CAMK2D: variants seen among roughly 807,000 people sequenced by gnomAD.
CAMK2D encodes the protein calcium/calmodulin dependent protein kinase II delta.
In CAMK2D, 37 loss-of-function variants were observed where a neutral mutation model predicts 84.0. The observed-to-expected ratio is 0.44, with a 90% CI of 0.34 to 0.58. The LOEUF (loss-of-function observed/expected upper bound fraction) is 0.58. Ranked by LOEUF, CAMK2D falls within the 20% of genes least tolerant of loss-of-function variation. The pLI is 0.02. For missense variants in CAMK2D, 448 were observed against 652.5 expected (o/e 0.69, Z 3.41); for synonymous variants, 202 against 212.5 (o/e 0.95, Z 0.43).
chr4:113,645,209 G>C (rs1436450286), intron 3 of CAMK2D, among the ~76,000 whole-genome samples: 1 of 152,016 alleles, frequency 6.6e-6, no homozygotes, highest in African/African-American at 2.4e-5. Flanking sequence ...GTAGAGACAG[G>C]GTTTCACCAT....
chr4:113,588,298 A>G (rs1015174041), intron 4 of CAMK2D, among the ~76,000 whole-genome samples: 4 of 152,178 alleles, frequency 2.6e-5, no homozygotes, highest in African/African-American at 9.6e-5. Context: ...AAATGTTTCT[A>G]AGAAAAAGAC....
chr4:113,681,708 A>T (rs1224165111), intron 2 of CAMK2D, among the ~76,000 whole-genome samples: 1 of 152,224 alleles, frequency 6.6e-6, no homozygotes, highest in Non-Finnish European at 1.5e-5. Context: ...ATGCTATAAA[A>T]ATAAGTGATC....
At chr4:113,532,831 GA>G (rs1190259283) in intron 7 of CAMK2D, among the ~76,000 whole-genome samples, 1 of 151,904 alleles carries the variant, frequency 6.6e-6, no homozygotes, top group African/African-American at 2.4e-5. Flanking sequence ...TGTCACCCTT[GA>G]TACTACTTTT....
chr4:113,734,742 C>T (rs2148829824), intron 2 of CAMK2D, among the ~76,000 whole-genome samples: 1 of 152,224 alleles, frequency 6.6e-6, no homozygotes, highest in East Asian at 1.9e-4. Context: ...AAACATTTTA[C>T]TGTGTTCATA....
intron 16 of CAMK2D, among the ~76,000 whole-genome samples, chr4:113,488,206 A>G (rs1049681013): frequency 1.3e-5 from 2 of 152,178 alleles, no homozygotes; most frequent in African/African-American, 4.8e-5. Context: ...TAGATACATG[A>G]ACAAAAATGA....
chr4:113,675,246 A>G (rs954169150), intron 2 of CAMK2D, among the ~76,000 whole-genome samples: 1 of 152,164 alleles, frequency 6.6e-6, no homozygotes, highest in African/African-American at 2.4e-5. Flanking sequence ...TATGATATAA[A>G]ACTACCCCAC....
At chr4:113,586,643 T>C (rs1157193172) in intron 4 of CAMK2D, among the ~76,000 whole-genome samples, 3 of 152,190 alleles carry the variant, frequency 2.0e-5, no homozygotes, top group Non-Finnish European at 4.4e-5. Flanking sequence ...ATTCTGTTAC[T>C]AAAACACCTT....
At chr4:113,510,483 T>C (rs1031699323) in intron 12 of CAMK2D, among the ~76,000 whole-genome samples, 1 of 152,164 alleles carries the variant, frequency 6.6e-6, no homozygotes, top group Non-Finnish European at 1.5e-5. Context: ...GCTTTTAACA[T>C]TCCTTCTGTT....
intron 16 of CAMK2D, among the ~76,000 whole-genome samples, chr4:113,496,483 C>G (rs1363582289): frequency 1.5e-5 from 2 of 136,406 alleles, no homozygotes; most frequent in Admixed American, 8.0e-5. Context: ...AAGTCTCACT[C>G]TGTCACCCAG....
chr4:113,624,444 C>T (rs1368239962), intron 3 of CAMK2D, among the ~76,000 whole-genome samples: 2 of 152,120 alleles, frequency 1.3e-5, no homozygotes, highest in Non-Finnish European at 2.9e-5. Flanking sequence ...ACTTACATGC[C>T]TTAATCAGTT....
chr4:113,733,904 T>C lies in CAMK2D; in HGVS notation c.160+25416A>G, dbSNP rs528495313. ...ACTAATTTTGCTCATGACTCAACCA[T>C]TGGTAAGCCAAAGGGTAGGCTAAAT... On this transcript the variant is annotated intron_variant, in intron 2 of 20. Coordinates refer to ENST00000511664, the MANE Select transcript of CAMK2D (RefSeq NM_001321571.2). Among the ~76,000 whole-genome samples the C allele has an allele frequency of 3.3e-5, 5 of 152,278 alleles. No individual in the cohort carries two copies. The South Asian group carries it at 8.3e-4, about 25-fold the overall frequency.
chr4:113,652,884 G>A (rs1561614681), intron 3 of CAMK2D, among the ~76,000 whole-genome samples: 1 of 152,014 alleles, frequency 6.6e-6, no homozygotes, highest in Non-Finnish European at 1.5e-5. Context: ...GTAACAGAAG[G>A]ACTCTTTTTC....
intron 4 of CAMK2D, among the ~76,000 whole-genome samples, chr4:113,608,123 A>G (rs970176509): frequency 6.6e-5 from 10 of 152,230 alleles, no homozygotes; most frequent in African/African-American, 2.2e-4. Flanking sequence ...AGTCACTGTG[A>G]TAACTGAAAA....
intron 3 of CAMK2D, among the ~76,000 whole-genome samples, chr4:113,632,310 G>C (rs2154287683): frequency 6.6e-6 from 1 of 151,984 alleles, no homozygotes. Context: ...TGCAACCTCT[G>C]TCTCCTGGGT....
chr4:113,509,587 T>A (rs1216235017), intron 13 of CAMK2D, 51 bp downstream of exon 13: 3 of 1,139,932 alleles, frequency 2.6e-6, no homozygotes, highest in Non-Finnish European at 2.7e-6. Flanking sequence ...ATTTAAAGAT[T>A]ATCCAGCATC....
At chr4:113,619,905 T>C (rs775691755) in intron 3 of CAMK2D, among the ~76,000 whole-genome samples, 2 of 152,068 alleles carry the variant, frequency 1.3e-5, no homozygotes, top group Non-Finnish European at 2.9e-5. Context: ...AGAATATAGG[T>C]GCTGAGAGGC....
intron 11 of CAMK2D, 151 bp from the exon 12 acceptor site, chr4:113,513,521 A>C: frequency 1.5e-6 from 1 of 670,862 alleles, no homozygotes; most frequent in Non-Finnish European, 2.7e-6. Context: ...GTTTCCTGAG[A>C]GTCAAAGGCC....
intron 3 of CAMK2D, among the ~76,000 whole-genome samples, chr4:113,653,148 C>T (rs1348256532): frequency 6.6e-6 from 1 of 151,818 alleles, no homozygotes; most frequent in Non-Finnish European, 1.5e-5. Flanking sequence ...ATAAAGAATA[C>T]ATAACTGGCA....
intron 6 of CAMK2D, among the ~76,000 whole-genome samples, chr4:113,544,656 T>G (rs1182648169): frequency 6.6e-6 from 1 of 152,164 alleles, no homozygotes; most frequent in Non-Finnish European, 1.5e-5. Flanking sequence ...ATGGCATCTT[T>G]TACCATTTTG....
Sources: gnomAD v4.1 joint callset for allele counts (sites outside exome capture counted in the v4.1 genomes callset) on GRCh38, gnomAD v4.1.1 for gene constraint, MANE v1.5 for transcripts, NCBI Gene and HGNC (gene_info 2026-07-23, HGNC 2026-07-21) for gene names.